STARD13: variants seen among roughly 807,000 people sequenced by gnomAD.
STARD13 encodes stAR-related lipid transfer protein 13.
In STARD13, 62 loss-of-function variants were observed where a neutral mutation model predicts 106.4. The ratio of observed to expected loss-of-function variants is 0.58; its 90% CI spans 0.48 to 0.72. The LOEUF (loss-of-function observed/expected upper bound fraction) is 0.72. STARD13 is among the 30% of genes least tolerant of loss of function. The probability of loss-of-function intolerance (pLI) is 0.00; values close to 1 mark genes in which losing one functional copy is unlikely to be tolerated. For missense variants in STARD13, 1,387 were observed against 1,424.0 expected, an observed-to-expected ratio of 0.97 and a Z score of 0.42; for synonymous variants, 565 against 553.0, an observed-to-expected ratio of 1.02 and a Z score of -0.31.
intron 1 of STARD13, among the ~76,000 whole-genome samples, chr13:33,231,227 C>T (rs950339219): frequency 5.9e-5 from 9 of 152,002 alleles, no homozygotes; most frequent in Non-Finnish European, 1.2e-4. Context: ...CTGGTCAGGC[C>T]CTCAAGCTGC....
At chr13:33,134,133 G>C (rs139303593) in intron 4 of STARD13, among the ~76,000 whole-genome samples, 1 of 152,188 alleles carries the variant, frequency 6.6e-6, no homozygotes, top group African/African-American at 2.4e-5. Context: ...ACTGAAAATA[G>C]GTTCCCACGT....
chr13:33,190,900 A>G (rs1886212848), intron 1 of STARD13, among the ~76,000 whole-genome samples: 1 of 152,172 alleles, frequency 6.6e-6, no homozygotes, highest in Admixed American at 6.5e-5. Context: ...CCCGTTTATT[A>G]AAGTACTGAA....
the STARD13 span, among the ~76,000 whole-genome samples, chr13:33,407,852 G>A: frequency 6.6e-6 from 1 of 152,234 alleles, no homozygotes; most frequent in East Asian, 1.9e-4. Context: ...AGCCATCAAA[G>A]CTACAGTGAA....
chr13:33,285,770 G>T, upstream of STARD13: 5 of 1,473,624 alleles, frequency 3.4e-6, no homozygotes, highest in Non-Finnish European at 4.5e-6. Context: ...AGAAAGAGGA[G>T]TGCCAAAGCC....
intron 1 of STARD13, among the ~76,000 whole-genome samples, chr13:33,215,121 G>GT (rs975966913): frequency 6.8e-5 from 4 of 58,670 alleles, no homozygotes; most frequent in African/African-American, 2.3e-4. Context: ...TGAGTACTTG[G>GT]GGGGGGGGGT....
chr13:33,378,363 C>T, the STARD13 span, among the ~76,000 whole-genome samples: 3 of 152,204 alleles, frequency 2.0e-5, no homozygotes, highest in Non-Finnish European at 4.4e-5. Context: ...CATGCCCTTT[C>T]TCCTCTTCCC....
the STARD13 span, among the ~76,000 whole-genome samples, chr13:33,670,368 A>C: frequency 6.6e-6 from 1 of 152,208 alleles, no homozygotes; most frequent in African/African-American, 2.4e-5. Flanking sequence ...TTGAACGAAC[A>C]TAATTGGAGA....
At chr13:33,443,027 G>A in the STARD13 span, among the ~76,000 whole-genome samples, 1 of 152,130 alleles carries the variant, frequency 6.6e-6, no homozygotes, top group African/African-American at 2.4e-5. Context: ...GATGGACAGT[G>A]GGGTTGGTTG....
At chr13:33,644,617 G>A in the STARD13 span, among the ~76,000 whole-genome samples, 1 of 152,126 alleles carries the variant, frequency 6.6e-6, no homozygotes, top group African/African-American at 2.4e-5. Flanking sequence ...TGAAAGAGAG[G>A]GGGAGGTCAG....
the STARD13 span, among the ~76,000 whole-genome samples, chr13:33,455,858 C>T: frequency 2.6e-5 from 4 of 152,100 alleles, no homozygotes; most frequent in Non-Finnish European, 5.9e-5. Flanking sequence ...GCAGGGGAAT[C>T]ACTTGAACCT....
At chr13:33,380,480 C>T in the STARD13 span, among the ~76,000 whole-genome samples, 1 of 127,294 alleles carries the variant, frequency 7.9e-6, no homozygotes, top group East Asian at 2.5e-4. Flanking sequence ...CACCCCCCAC[C>T]CCCCCCACAC....
At chr13:33,363,187 T>C in the STARD13 span, among the ~76,000 whole-genome samples, 1 of 152,240 alleles carries the variant, frequency 6.6e-6, no homozygotes, top group African/African-American at 2.4e-5. Context: ...ATGATCTTTG[T>C]TTGCTTTTCC....
chr13:33,307,481 A>G (rs1892954505), intron 1 of STARD13, among the ~76,000 whole-genome samples: 2 of 152,222 alleles, frequency 1.3e-5, no homozygotes, highest in African/African-American at 4.8e-5. Context: ...ATGCAGCCAT[A>G]AAAAGAAACG....
At chr13:33,527,148 T>A in the STARD13 span, among the ~76,000 whole-genome samples, 48 of 152,268 alleles carry the variant, frequency 3.2e-4, no homozygotes, top group African/African-American at 1.1e-3. Context: ...ATCTTTGTAT[T>A]GCAAAATAAG....
At chr13:33,140,289 A>G (rs1879644370) in intron 4 of STARD13, among the ~76,000 whole-genome samples, 1 of 152,228 alleles carries the variant, frequency 6.6e-6, no homozygotes, top group South Asian at 2.1e-4. Flanking sequence ...CGGTATAGGC[A>G]GCTGTATAGA....
At chr13:33,362,492 T>A in the STARD13 span, among the ~76,000 whole-genome samples, 1 of 152,052 alleles carries the variant, frequency 6.6e-6, no homozygotes, top group Non-Finnish European at 1.5e-5. Flanking sequence ...ATCTTTGGAG[T>A]CCTGAGAAAT....
the STARD13 span, among the ~76,000 whole-genome samples, chr13:33,395,369 AC>A: frequency 1.3e-5 from 2 of 152,156 alleles, no homozygotes; most frequent in African/African-American, 2.4e-5. Context: ...AGACCTTTGT[AC>A]CAGCTTAAAT....
chr13:33,221,879 G>A lies in STARD13; in HGVS notation c.170-54257C>T, dbSNP rs1199307791. Among the ~76,000 whole-genome samples the A allele has an allele frequency of 3.3e-5, 5 of 152,266 alleles. No homozygotes were observed. In the South Asian group the frequency reaches 6.2e-4, roughly 19 times the overall value. ...AAAGCAAGGGCATTAGGCTGGGTGC[G>A]GTGGCTCCCACCTGTAATCCCAGCA... On this transcript the variant is annotated intron_variant, in intron 1 of 13. Transcript: ENST00000336934.
the STARD13 span, among the ~76,000 whole-genome samples, chr13:33,555,973 T>C: frequency 6.6e-6 from 1 of 152,162 alleles, no homozygotes; most frequent in Non-Finnish European, 1.5e-5. Context: ...GAAAAATAAA[T>C]GACAGAGCCA....
Sources: gnomAD v4.1 joint callset for allele counts (sites outside exome capture counted in the v4.1 genomes callset) on GRCh38, gnomAD v4.1.1 for gene constraint, MANE v1.5 for transcripts, NCBI Gene and HGNC (gene_info 2026-07-23, HGNC 2026-07-21) for gene names.